The following ATP6V1C2 variants were observed in gnomAD, a reference collection of about 807,000 sequenced individuals.
The protein encoded by ATP6V1C2 is V-type proton ATPase subunit C 2.
In ATP6V1C2, 45 loss-of-function variants were observed where a neutral mutation model predicts 56.8. The ratio of observed to expected loss-of-function variants is 0.79; its 90% CI spans 0.62 to 1.02. The LOEUF (loss-of-function observed/expected upper bound fraction) is 1.02, where lower values mean the gene tolerates loss of function less well. Among genes scored for constraint, ATP6V1C2 ranks in the 50% least tolerant of loss-of-function variants. The probability of loss-of-function intolerance (pLI) is 0.00; values close to 1 mark genes in which losing one functional copy is unlikely to be tolerated. For missense variants in ATP6V1C2, 463 were observed against 519.7 expected (o/e 0.89, Z 1.06); for synonymous variants, 220 against 201.3 (o/e 1.09, Z -0.79).
rs756619117 is a variant in ATP6V1C2, at chr2:10,783,240, A to G, written c.1261A>G (p.Ile421Val). The G allele has an allele frequency of 6.2e-7, 1 of 1,613,512 alleles. No homozygotes were observed. Among genetic ancestry groups the G allele is most frequent in the Non-Finnish European group, 8.5e-7 (1 of 1,179,508 alleles). Reference sequence around the variant, plus strand: ...CTATTTTCCTTATGTCTACTTCCATATTGACCTTAGTCTTCTTGACTAGAA... The same window carrying G: ...CTATTTTCCTTATGTCTACTTCCATGTTGACCTTAGTCTTCTTGACTAGAA... The part of the protein sequence containing the change: ...QDYFPYVYFH[I>V]DLSLLD Residue 421 changes from isoleucine (I) to valine (V), a missense_variant, in exon 14 of 14, where the codon ATT becomes GTT. By Grantham distance (29) the Ile-to-Val change is conservative (BLOSUM62 3). Coordinates refer to ENST00000272238, the MANE Select transcript of ATP6V1C2 (RefSeq NM_001039362.2).
At chr2:10,751,505 C>T (rs16856608) in intron 3 of ATP6V1C2, among the ~76,000 whole-genome samples, 28,532 of 152,056 alleles carry the variant, frequency 0.19, 3,042 homozygotes, top group East Asian at 0.36. Context: ...ATCAGTAAGA[C>T]GCTATTAACT....
At chr2:10,760,148 G>A (rs916579469) in intron 4 of ATP6V1C2, among the ~76,000 whole-genome samples, 2 of 151,730 alleles carry the variant, frequency 1.3e-5, no homozygotes, top group South Asian at 2.1e-4. Flanking sequence ...CGAGGCGGGC[G>A]GATCACCTGA....
At chr2:10,730,784 C>T (rs979201142) in intron 3 of ATP6V1C2, among the ~76,000 whole-genome samples, 1 of 151,520 alleles carries the variant, frequency 6.6e-6, no homozygotes, top group Non-Finnish European at 1.5e-5. Flanking sequence ...TCCCGAGTAG[C>T]TGGGATTACA....
At position 10,763,377 on chromosome 2, in the gene ATP6V1C2, C is replaced by T. The variant is rs1200281395; in HGVS notation, c.284-954C>T. On this transcript the variant is annotated intron_variant, in intron 4 of 13. Coordinates refer to ENST00000272238, the MANE Select transcript of ATP6V1C2 (RefSeq NM_001039362.2). This position sits in a 1 kb window ranked among gnomAD's most constrained non-coding sequence, Gnocchi z 4.2. ...CTTTGTCCTCCCTTAGCACTCTAGG[C>T]GGTTATCACTGGGCCCCCAGCTCTC... 6.6e-6 allele frequency among the ~76,000 whole-genome samples: 1 copy of T among 152,138 alleles called. No individual in the cohort carries two copies. Among genetic ancestry groups the T allele is most frequent in the Non-Finnish European group, 1.5e-5 (1 of 68,010 alleles).
chr2:10,735,486 A>G (rs1662198418), intron 3 of ATP6V1C2, among the ~76,000 whole-genome samples: 1 of 151,986 alleles, frequency 6.6e-6, no homozygotes, highest in Admixed American at 6.6e-5. Context: ...GACATTTTTT[A>G]ATTACCCACG....
At chr2:10,731,903 G>A (rs1661970493) in intron 3 of ATP6V1C2, among the ~76,000 whole-genome samples, 1 of 152,002 alleles carries the variant, frequency 6.6e-6, no homozygotes, top group Non-Finnish European at 1.5e-5. Context: ...AGCCCAGGAG[G>A]TCGAGGCTGC....
chr2:10,747,468 A>T (rs1662983077), intron 3 of ATP6V1C2, among the ~76,000 whole-genome samples: 1 of 152,182 alleles, frequency 6.6e-6, no homozygotes, highest in East Asian at 1.9e-4. Context: ...AAATAAGGAC[A>T]TCCTCTTATA....
intron 3 of ATP6V1C2, among the ~76,000 whole-genome samples, chr2:10,751,439 T>G (rs1172827913): frequency 6.6e-6 from 1 of 152,156 alleles, no homozygotes; most frequent in Non-Finnish European, 1.5e-5. Flanking sequence ...TGTAAAAATG[T>G]AAAAACATTT....
intron 6 of ATP6V1C2, among the ~76,000 whole-genome samples, chr2:10,770,514 G>A (rs888217957): frequency 1.3e-5 from 2 of 152,248 alleles, no homozygotes; most frequent in African/African-American, 4.8e-5. Context: ...CCGGGGCAGA[G>A]AGCCCTAAGG....
At chr2:10,738,238 T>C (rs1263175372) in intron 3 of ATP6V1C2, among the ~76,000 whole-genome samples, 1 of 152,188 alleles carries the variant, frequency 6.6e-6, no homozygotes, top group Non-Finnish European at 1.5e-5. Context: ...CCTTGCTCTG[T>C]GGTAGGCCCC....
intron 3 of ATP6V1C2, among the ~76,000 whole-genome samples, chr2:10,731,348 A>G (rs1309261330): frequency 2.0e-5 from 3 of 152,228 alleles, no homozygotes; most frequent in Admixed American, 1.3e-4. Context: ...ATCATGCTAA[A>G]TCAAGTATTA....
chr2:10,770,413 A>C (rs977948232), intron 6 of ATP6V1C2, among the ~76,000 whole-genome samples: 2 of 152,198 alleles, frequency 1.3e-5, no homozygotes, highest in Non-Finnish European at 2.9e-5. Flanking sequence ...AAAAAAGCCC[A>C]CTTCAACTGG....
At chr2:10,762,172 G>A (rs1368543115) in intron 4 of ATP6V1C2, among the ~76,000 whole-genome samples, 1 of 147,062 alleles carries the variant, frequency 6.8e-6, no homozygotes, top group Admixed American at 6.8e-5. Flanking sequence ...TTGAGATGGA[G>A]TCTCCCTTCG....
intron 3 of ATP6V1C2, among the ~76,000 whole-genome samples, chr2:10,750,803 G>A (rs1663165846): frequency 6.6e-6 from 1 of 152,198 alleles, no homozygotes; most frequent in African/African-American, 2.4e-5. Context: ...GTCGCTGTGA[G>A]GATAAAAGAG....
At chr2:10,758,899 C>T (rs1447338223) in intron 4 of ATP6V1C2, among the ~76,000 whole-genome samples, 1 of 152,090 alleles carries the variant, frequency 6.6e-6, no homozygotes, top group African/African-American at 2.4e-5. Context: ...GATCTCTTGA[C>T]CTTGTGATCC....
rs184093296 is a variant in ATP6V1C2 at position 10,766,143 on chromosome 2, G to A, written c.378+1718G>A. On this transcript the variant is annotated intron_variant, in intron 5 of 13. Coordinates refer to ENST00000272238, the MANE Select transcript of ATP6V1C2 (RefSeq NM_001039362.2). The stretch of plus-strand genomic sequence containing the variant: ...TTGGGGACCAGAGCCTGCGGATTGT[G>A]CTGTGTGCATGACACCACTTCCCAA... Among the ~76,000 whole-genome samples the A allele has an allele frequency of 2.6e-5, 4 of 152,290 alleles. No individual in the cohort carries two copies. In the East Asian group the frequency reaches 7.7e-4, roughly 29 times the overall value.
At chr2:10,778,203 G>C (rs1408746818) in intron 11 of ATP6V1C2, among the ~76,000 whole-genome samples, 1 of 152,238 alleles carries the variant, frequency 6.6e-6, no homozygotes, top group African/African-American at 2.4e-5. Flanking sequence ...GGCTGCTGTG[G>C]ATGATGCCAG....
chr2:10,784,257 C>G lies in ATP6V1C2; in HGVS notation c.*994C>G. ...ATGGTCTGAAGCCTCTGTTGTGGCT[C>G]TCACAACTCATCTTTCCCTAAGTCA... On this transcript the variant is annotated 3_prime_UTR_variant, in exon 14 of 14. Transcript: ENST00000272238. 1 of 1,611,164 alleles carries G rather than the reference C, an allele frequency of 6.2e-7. No individual in the cohort carries two copies. Among genetic ancestry groups the G allele is most frequent in the South Asian group, 1.1e-5 (1 of 90,770 alleles).
chr2:10,731,469 G>A (rs1409267907), intron 3 of ATP6V1C2, among the ~76,000 whole-genome samples: 1 of 152,160 alleles, frequency 6.6e-6, no homozygotes, highest in Non-Finnish European at 1.5e-5. Flanking sequence ...GGTATGACTG[G>A]CCTTGTACAA....
Sources: allele counts gnomAD v4.1 joint callset (sites outside exome capture counted in the v4.1 genomes callset), GRCh38; gene constraint gnomAD v4.1.1; non-coding constraint Gnocchi (gnomAD v3.1); transcripts MANE v1.5; gene names NCBI Gene and HGNC (gene_info 2026-07-23, HGNC 2026-07-21).